DNAH11: variants seen among roughly 807,000 people sequenced by gnomAD.
The protein encoded by DNAH11 is axonemal beta dynein heavy chain 11.
A neutral mutation model predicts 526.0 loss-of-function variants in DNAH11; 442 were observed. The ratio of observed to expected loss-of-function variants is 0.84; its 90% CI spans 0.78 to 0.91. The LOEUF (loss-of-function observed/expected upper bound fraction) is 0.91, where lower values mean the gene tolerates loss of function less well. Among genes scored for constraint, DNAH11 ranks in the 40% least tolerant of loss-of-function variants. The pLI, the probability that DNAH11 is intolerant of heterozygous loss-of-function variation, is 0.00. For synonymous variants in DNAH11, 2,461 were observed against 1,935.9 expected, an observed-to-expected ratio of 1.27 and a Z score of -7.12; for missense variants, 6,989 against 5,448.7, an observed-to-expected ratio of 1.28 and a Z score of -8.90.
intron 61 of DNAH11, among the ~76,000 whole-genome samples, chr7:21,789,600 G>A (rs1182343537): frequency 1.3e-5 from 2 of 152,104 alleles, no homozygotes; most frequent in African/African-American, 4.8e-5. Flanking sequence ...GAAAGGGGAG[G>A]GCAGCACATA....
chr7:21,847,149 A>G (rs995466403), intron 66 of DNAH11, among the ~76,000 whole-genome samples: 2 of 152,038 alleles, frequency 1.3e-5, no homozygotes, highest in African/African-American at 2.4e-5. Flanking sequence ...TTTGGATTTT[A>G]GTTTCTCTAC....
chr7:21,727,312 G>A (rs1250855940), intron 45 of DNAH11, among the ~76,000 whole-genome samples: 1 of 152,090 alleles, frequency 6.6e-6, no homozygotes, highest in Non-Finnish European at 1.5e-5. Flanking sequence ...ATTTTTCCTA[G>A]AAAGTTTGTG....
intron 63 of DNAH11, among the ~76,000 whole-genome samples, chr7:21,808,324 A>C (rs1489328931): frequency 6.6e-6 from 1 of 152,198 alleles, no homozygotes; most frequent in African/African-American, 2.4e-5. Flanking sequence ...TACAATGTGT[A>C]ATGGTCAAGT....
chr7:21,677,369 A>T (rs1024189850), intron 30 of DNAH11, among the ~76,000 whole-genome samples: 1 of 151,972 alleles, frequency 6.6e-6, no homozygotes, highest in Non-Finnish European at 1.5e-5. Context: ...TATCATAGTG[A>T]TCTGTGATCA....
chr7:21,880,209 A>C (rs567344254), intron 74 of DNAH11, among the ~76,000 whole-genome samples: 98 of 152,310 alleles, frequency 6.4e-4, no homozygotes, highest in Non-Finnish European at 1.2e-3. Flanking sequence ...TGTTGGCAAA[A>C]ACTTGGTTGG....
chr7:21,860,254 A>C (rs1023696805), intron 68 of DNAH11, among the ~76,000 whole-genome samples: 1 of 151,514 alleles, frequency 6.6e-6, no homozygotes, highest in Admixed American at 6.6e-5. Context: ...CCACAATGAG[A>C]TATCACCTCA....
intron 22 of DNAH11, among the ~76,000 whole-genome samples, chr7:21,616,512 T>C (rs1583532038): frequency 6.6e-6 from 1 of 152,280 alleles, no homozygotes; most frequent in East Asian, 1.9e-4. Flanking sequence ...GTTAATGAAT[T>C]TATGAGAAGC....
chr7:21,859,901 C>T (rs931339126), intron 68 of DNAH11, among the ~76,000 whole-genome samples: 3 of 152,080 alleles, frequency 2.0e-5, no homozygotes, highest in Non-Finnish European at 4.4e-5. Context: ...GACAACAAAA[C>T]ACAGCAAATA....
intron 28 of DNAH11, among the ~76,000 whole-genome samples, chr7:21,639,943 T>C (rs1359447148): frequency 6.6e-6 from 1 of 152,228 alleles, no homozygotes; most frequent in Non-Finnish European, 1.5e-5. Context: ...TCTGTTCACA[T>C]TGCAGTTCCC....
intron 65 of DNAH11, among the ~76,000 whole-genome samples, chr7:21,820,698 T>G (rs17145586): frequency 0.15 from 22,591 of 152,080 alleles, 1,718 homozygotes; most frequent in African/African-American, 0.18. Context: ...GGCCTTTTGC[T>G]ATGTGTTGAT....
rs745407933 is a variant in DNAH11 at position 21,895,004 on chromosome 7, G to A, written c.13049+5G>A. 1.9e-6 allele frequency: 3 copies of A among 1,612,762 alleles called. No homozygotes were observed. Among genetic ancestry groups the A allele is most frequent in the East Asian group, 4.5e-5 (2 of 44,866 alleles). ...TACTTATGGCCTAGCCCAGTGGTAA[G>A]CTACCCCATCCTCACTGCCACTGGC... On this transcript the variant is annotated splice_donor_5th_base_variant and intron_variant, in intron 79 of 81. Transcript: ENST00000409508.
At chr7:21,807,053 A>G (rs549772118) in intron 62 of DNAH11, among the ~76,000 whole-genome samples, 158 of 152,310 alleles carry the variant, frequency 1.0e-3, no homozygotes, top group Non-Finnish European at 2.1e-3. Context: ...TTTCAGCTTT[A>G]TGTTTTAACT....
intron 62 of DNAH11, among the ~76,000 whole-genome samples, chr7:21,803,388 C>A (rs918073757): frequency 6.6e-6 from 1 of 152,190 alleles, no homozygotes; most frequent in Admixed American, 6.5e-5. Flanking sequence ...TGGACATTCA[C>A]CCTCATGCAT....
intron 61 of DNAH11, among the ~76,000 whole-genome samples, chr7:21,800,627 T>G (rs1788943657): frequency 6.6e-6 from 1 of 151,462 alleles, no homozygotes; most frequent in African/African-American, 2.4e-5. Flanking sequence ...CAATACTCAT[T>G]CCAAAAAAAA....
intron 12 of DNAH11, 35 bp downstream of exon 12, chr7:21,589,438 G>A (rs899999084): frequency 2.6e-6 from 4 of 1,510,140 alleles, no homozygotes; most frequent in South Asian, 2.5e-5. Context: ...ATTTATAAGT[G>A]CCCTTTTTAT....
At chr7:21,610,208 T>C (rs903723625) in intron 20 of DNAH11, among the ~76,000 whole-genome samples, 3 of 152,076 alleles carry the variant, frequency 2.0e-5, no homozygotes, top group Non-Finnish European at 4.4e-5. Flanking sequence ...GAGCCGAGAT[T>C]GCGCCACTTC....
Position 21,582,105 on chromosome 7 carries a change from G to C in DNAH11, c.1710+84G>C, listed in dbSNP as rs1784332019. 5.8e-6 allele frequency: 5 copies of C among 862,258 alleles called. No individual in the cohort carries two copies. The Admixed American group carries it at 9.8e-5, about 17-fold the overall frequency. The allele number at this position is 862,258 out of a possible 1,614,324, so 53.4% of individuals were successfully genotyped here. A position where few individuals can be genotyped will look rare whatever the true frequency, so the allele number is the denominator to read the frequency against. On this transcript the variant is annotated intron_variant, in intron 9 of 81. Coordinates refer to ENST00000409508, the MANE Select transcript of DNAH11 (RefSeq NM_001277115.2). ...ATGAAAGGGGTGAATTCTCATTCAG[G>C]TAGAGTATTCACTAGGTTAACTAGT...
chr7:21,604,506 A>G (rs1219303459), intron 18 of DNAH11, among the ~76,000 whole-genome samples: 1 of 152,040 alleles, frequency 6.6e-6, no homozygotes, highest in Non-Finnish European at 1.5e-5. Context: ...AAGAGCTCAC[A>G]CACTCACACC....
intron 26 of DNAH11, among the ~76,000 whole-genome samples, chr7:21,636,715 G>C (rs772313711): frequency 1.3e-5 from 2 of 152,060 alleles, no homozygotes; most frequent in Admixed American, 6.5e-5. Flanking sequence ...CTCCAGCCTG[G>C]GTGACAGAAT....
Sources: allele counts gnomAD v4.1 joint callset (sites outside exome capture counted in the v4.1 genomes callset), GRCh38; gene constraint gnomAD v4.1.1; transcripts MANE v1.5; gene names NCBI Gene and HGNC (gene_info 2026-07-23, HGNC 2026-07-21).